PLA2G4E: variants seen among roughly 807,000 people sequenced by gnomAD.
The protein encoded by PLA2G4E is phospholipase A2 group IVE, also known as cytosolic phospholipase A2 epsilon.
PLA2G4E carries 84 observed loss-of-function variants against 109.1 expected under a neutral mutation model. The observed-to-expected ratio is 0.77, with a 90% CI of 0.65 to 0.92. PLA2G4E has a LOEUF of 0.92. Ranked by LOEUF, PLA2G4E falls within the 40% of genes least tolerant of loss-of-function variation. The pLI is 0.00. For missense variants in PLA2G4E, 1,057 were observed against 1,076.6 expected, an observed-to-expected ratio of 0.98 and a Z score of 0.25; for synonymous variants, 469 against 436.1, an observed-to-expected ratio of 1.08 and a Z score of -0.94.
At chr15:42,022,772 C>T (rs2068659429) in intron 1 of PLA2G4E, among the ~76,000 whole-genome samples, 1 of 152,144 alleles carries the variant, frequency 6.6e-6, no homozygotes. Flanking sequence ...GGCCTGGTTC[C>T]AAACAGGCCA....
At chr15:42,025,936 T>C (rs1469252207) in intron 1 of PLA2G4E, among the ~76,000 whole-genome samples, 1 of 152,192 alleles carries the variant, frequency 6.6e-6, no homozygotes, top group African/African-American at 2.4e-5. Flanking sequence ...AAATGAAATG[T>C]GAGAGTACAT....
At chr15:42,006,552 G>A (rs1285077078) in intron 3 of PLA2G4E, among the ~76,000 whole-genome samples, 2 of 152,206 alleles carry the variant, frequency 1.3e-5, no homozygotes, top group South Asian at 2.1e-4. Flanking sequence ...TTAGGGAATC[G>A]AACATCTAAC....
At chr15:42,045,793 T>C (rs1889405221) in intron 1 of PLA2G4E, among the ~76,000 whole-genome samples, 1 of 152,232 alleles carries the variant, frequency 6.6e-6, no homozygotes, top group Non-Finnish European at 1.5e-5. Flanking sequence ...AAAAACCTTC[T>C]ACATTCTGCT....
At chr15:42,007,392 G>T (rs982027657) in intron 3 of PLA2G4E, among the ~76,000 whole-genome samples, 3 of 152,232 alleles carry the variant, frequency 2.0e-5, no homozygotes, top group Non-Finnish European at 4.4e-5. Context: ...CAGACCTAGT[G>T]AATAGAATGG....
intron 2 of PLA2G4E, among the ~76,000 whole-genome samples, chr15:42,011,904 G>T (rs963470907): frequency 6.6e-6 from 1 of 152,110 alleles, no homozygotes; most frequent in African/African-American, 2.4e-5. Context: ...AAGAGAGGTG[G>T]CCACGTCCTG....
At chr15:41,999,852 A>C (rs1595563704) in intron 9 of PLA2G4E, 65 bp downstream of exon 9, 10 of 1,480,538 alleles carry the variant, frequency 6.8e-6, no homozygotes, top group Non-Finnish European at 9.3e-6. Flanking sequence ...GGCTCTCCCC[A>C]CCTCCCTACC....
At chr15:42,025,898 C>A (rs936158481) in intron 1 of PLA2G4E, among the ~76,000 whole-genome samples, 9 of 152,148 alleles carry the variant, frequency 5.9e-5, no homozygotes, top group Non-Finnish European at 8.8e-5. Context: ...AAATATCTAA[C>A]CATTAAAATA....
At chr15:41,981,996 GA>G (rs2068074008) in exon 20 of PLA2G4E, 1 of 152,304 alleles carries the variant, frequency 6.6e-6, no homozygotes, top group East Asian at 1.9e-4. Flanking sequence ...GGAATCTCCT[GA>G]AAAATGCAGC....
chr15:41,987,167 G>C lies in PLA2G4E; in HGVS notation c.2035+5C>G. 1 of 1,611,736 alleles carries C rather than the reference G, an allele frequency of 6.2e-7. No homozygotes were observed. Among genetic ancestry groups the C allele is most frequent in the Middle Eastern group, 1.7e-4 (1 of 6,056 alleles). On this transcript the variant is annotated splice_donor_5th_base_variant and intron_variant, in intron 17 of 19. Coordinates refer to ENST00000399518, the Ensembl canonical transcript of PLA2G4E. ...AGGCCTCAAGGAGTAGCCAGGTAGGGTTACCTTTCCACCTAGAGAACTGGC... is the reference window on the plus strand; with the variant it reads ...AGGCCTCAAGGAGTAGCCAGGTAGGCTTACCTTTCCACCTAGAGAACTGGC...
chr15:41,994,655 T>A (rs1397933751), intron 12 of PLA2G4E, among the ~76,000 whole-genome samples: 1 of 152,186 alleles, frequency 6.6e-6, no homozygotes, highest in Non-Finnish European at 1.5e-5. Flanking sequence ...TGAGCCACCA[T>A]ACCTGGCCAC....
intron 16 of PLA2G4E, 47 bp downstream of exon 16, chr15:41,988,002 C>T (rs1307044633): frequency 7.0e-7 from 1 of 1,434,602 alleles, no homozygotes; most frequent in East Asian, 2.5e-5. Flanking sequence ...GAGGGAAAGC[C>T]GGTGTCACCC....
At chr15:41,992,877 C>T (rs906627624) in exon 13 of PLA2G4E, 2 of 1,614,076 alleles carry the variant, frequency 1.2e-6, no homozygotes, top group Admixed American at 1.7e-5. Flanking sequence ...TTGTCCTTTA[C>T]CACATGTCTC....
intron 1 of PLA2G4E, among the ~76,000 whole-genome samples, chr15:42,047,974 AC>A (rs1889442781): frequency 6.6e-6 from 1 of 151,718 alleles, no homozygotes; most frequent in South Asian, 2.1e-4. Context: ...TTTTAGGCTA[AC>A]CCCCCTCCCG....
intron 1 of PLA2G4E, among the ~76,000 whole-genome samples, chr15:42,043,010 GA>G (rs1474973734): frequency 6.6e-6 from 1 of 152,224 alleles, no homozygotes; most frequent in Non-Finnish European, 1.5e-5. Flanking sequence ...CTTGGTGTAA[GA>G]AAGAACTTAG....
chr15:42,045,160 G>A (rs1889392004), intron 1 of PLA2G4E, among the ~76,000 whole-genome samples: 1 of 152,160 alleles, frequency 6.6e-6, no homozygotes, highest in African/African-American at 2.4e-5. Context: ...AGGGGGCTGA[G>A]CCTTGAGTTA....
chr15:42,028,696 C>T (rs915503420), intron 1 of PLA2G4E, among the ~76,000 whole-genome samples: 2 of 152,110 alleles, frequency 1.3e-5, no homozygotes, highest in African/African-American at 4.8e-5. Flanking sequence ...CATGAGCCAC[C>T]GTGCCCAGCC....
In PLA2G4E at chr15:42,005,958, C is replaced by A. The variant is rs778875136; in HGVS notation, c.525+32G>T. 6.8e-6 allele frequency: 11 copies of A among 1,608,770 alleles called. No homozygotes were observed. In the Admixed American group the frequency reaches 1.3e-4, roughly 20 times the overall value. On this transcript the variant is annotated intron_variant, in intron 4 of 19. Coordinates refer to ENST00000399518, the Ensembl canonical transcript of PLA2G4E. ...CAACAGCTATGAGGTTATCATGAAG[C>A]CGGAGTCTGAGGGCCTGTACCCTGC...
At chr15:41,990,685 G>T (rs904634717) in intron 13 of PLA2G4E, among the ~76,000 whole-genome samples, 24 of 151,060 alleles carry the variant, frequency 1.6e-4, no homozygotes, top group African/African-American at 5.6e-4. Context: ...TGGGGGAAAA[G>T]AAGTTTCCCT....
chr15:41,989,577 G>C, intron 14 of PLA2G4E, 25 bp from the exon 15 acceptor site: 1 of 1,606,568 alleles, frequency 6.2e-7, no homozygotes, highest in Non-Finnish European at 8.5e-7. Flanking sequence ...GCAGGACGGG[G>C]GTCAGTCTCA....
Sources: gnomAD v4.1 joint callset for allele counts (sites outside exome capture counted in the v4.1 genomes callset) on GRCh38, gnomAD v4.1.1 for gene constraint, MANE v1.5 for transcripts, NCBI Gene and HGNC (gene_info 2026-07-23, HGNC 2026-07-21) for gene names.